ATP8A2: variants seen among roughly 807,000 people sequenced by gnomAD.
The protein encoded by ATP8A2 is phospholipid-transporting ATPase IB.
In ATP8A2, 100 loss-of-function variants were observed where a neutral mutation model predicts 165.6. The ratio of observed to expected loss-of-function variants is 0.60; its 90% CI spans 0.51 to 0.71. ATP8A2 has a LOEUF of 0.71. Ranked by LOEUF, ATP8A2 falls within the 30% of genes least tolerant of loss-of-function variation. The pLI, the probability that ATP8A2 is intolerant of heterozygous loss-of-function variation, is 0.00. For missense variants in ATP8A2, 1,227 were observed against 1,479.5 expected, an observed-to-expected ratio of 0.83 and a Z score of 2.80; for synonymous variants, 543 against 548.8, an observed-to-expected ratio of 0.99 and a Z score of 0.15.
chr13:25,461,696 G>A (rs548065750), intron 1 of ATP8A2, among the ~76,000 whole-genome samples: 2 of 152,334 alleles, frequency 1.3e-5, no homozygotes, highest in Admixed American at 6.5e-5. Context: ...AGAAATTTAA[G>A]TGATTATTTC....
intron 25 of ATP8A2, among the ~76,000 whole-genome samples, chr13:25,723,784 A>G (rs1489089754): frequency 6.6e-6 from 1 of 152,048 alleles, no homozygotes; most frequent in Non-Finnish European, 1.5e-5. Context: ...CCGAGACTGC[A>G]GCTGGAATGA....
chr13:25,401,217 G>A (rs1417894142), intron 1 of ATP8A2, among the ~76,000 whole-genome samples: 2 of 152,096 alleles, frequency 1.3e-5, no homozygotes, highest in South Asian at 2.1e-4. Context: ...TTGCAGAATA[G>A]TGAGGATAAA....
chr13:25,714,204 A>T (rs2043210002), intron 25 of ATP8A2, among the ~76,000 whole-genome samples: 1 of 152,170 alleles, frequency 6.6e-6, no homozygotes, highest in Non-Finnish European at 1.5e-5. Context: ...AATTAAATTT[A>T]AAAACCTAGT....
chr13:25,482,950 G>A (rs1049910444), intron 2 of ATP8A2, among the ~76,000 whole-genome samples: 15 of 152,164 alleles, frequency 9.9e-5, no homozygotes, highest in African/African-American at 3.6e-4. Flanking sequence ...CATCAGCAGC[G>A]TGAAAACGGA....
intron 2 of ATP8A2, among the ~76,000 whole-genome samples, chr13:25,512,306 C>T (rs531243558): frequency 1.3e-4 from 20 of 152,218 alleles, no homozygotes; most frequent in African/African-American, 3.9e-4. Context: ...GGCAACCATC[C>T]GATTTCTCAA....
At chr13:25,645,620 TTTTG>T (rs1455741173) in intron 24 of ATP8A2, among the ~76,000 whole-genome samples, 1 of 152,200 alleles carries the variant, frequency 6.6e-6, no homozygotes, top group African/African-American at 2.4e-5. Flanking sequence ...GTGTTTCCTT[TTTTG>T]TTTGTTTCAA....
intron 24 of ATP8A2, among the ~76,000 whole-genome samples, chr13:25,694,471 G>A (rs1593207842): frequency 6.6e-6 from 1 of 152,150 alleles, no homozygotes; most frequent in East Asian, 1.9e-4. Flanking sequence ...ACTGACCCCC[G>A]GCAGGCACCC....
chr13:25,980,360 C>T (rs1956150388), intron 35 of ATP8A2, among the ~76,000 whole-genome samples: 1 of 152,108 alleles, frequency 6.6e-6, no homozygotes, highest in Admixed American at 6.5e-5. Flanking sequence ...TGAGCCATGA[C>T]AACATTTAAA....
intron 27 of ATP8A2, among the ~76,000 whole-genome samples, chr13:25,805,225 G>A (rs1950708298): frequency 6.6e-6 from 1 of 151,542 alleles, no homozygotes; most frequent in Non-Finnish European, 1.5e-5. Context: ...ATTTAATGAG[G>A]AGGCCAGGTG....
chr13:25,375,418 G>A, intron 1 of ATP8A2, among the ~76,000 whole-genome samples: 1 of 152,098 alleles, frequency 6.6e-6, no homozygotes, highest in Non-Finnish European at 1.5e-5. Flanking sequence ...TGTGGGAGGG[G>A]AGGAGTGGGG....
At chr13:25,475,108 C>T (rs1324984033) in intron 2 of ATP8A2, among the ~76,000 whole-genome samples, 1 of 152,120 alleles carries the variant, frequency 6.6e-6, no homozygotes, top group East Asian at 1.9e-4. Flanking sequence ...GTGTGGCTCA[C>T]ACCTGTAATA....
intron 1 of ATP8A2, among the ~76,000 whole-genome samples, chr13:25,444,034 GC>G (rs2035002998): frequency 6.6e-6 from 1 of 152,078 alleles, no homozygotes; most frequent in Non-Finnish European, 1.5e-5. Flanking sequence ...TAAAAATATA[GC>G]CTAGTTCCAT....
In ATP8A2 at chr13:25,591,090, G is replaced by A. The variant is rs370077418; in HGVS notation, c.2211+1391G>A. ...TGTTTCAGTCTTCCCCCTCTCACAC[G>A]TCTTTATTTTTCTCCATGGAACCTC... is the stretch of plus-strand genomic sequence containing the variant. On this transcript the variant is annotated intron_variant, in intron 24 of 36. Coordinates refer to ENST00000381655, the MANE Select transcript of ATP8A2 (RefSeq NM_016529.6). Among the ~76,000 whole-genome samples the A allele has an allele frequency of 1.6e-4, 25 of 151,628 alleles. No individual in the cohort carries two copies. The East Asian group carries it at 2.7e-3, about 16-fold the overall frequency.
rs182637372 is a variant in ATP8A2, at chr13:25,711,850, A to T, written c.2384+12505A>T. On this transcript the variant is annotated intron_variant, in intron 25 of 36. Coordinates refer to ENST00000381655, the MANE Select transcript of ATP8A2 (RefSeq NM_016529.6). ...TTGGGGATGGTGAGATGGGGTAGAG[A>T]TGAAGCACTGCTGTAAGAGAGCTCA... Among the ~76,000 whole-genome samples, 487 of 152,272 alleles carry T rather than the reference A, an allele frequency of 3.2e-3. 2 individuals are homozygous for T. Among genetic ancestry groups the T allele is most frequent in the African/African-American group, 0.011 (450 of 41,558 alleles).
intron 30 of ATP8A2, among the ~76,000 whole-genome samples, chr13:25,848,972 C>T (rs1399133172): frequency 6.6e-6 from 1 of 151,654 alleles, no homozygotes; most frequent in Non-Finnish European, 1.5e-5. Context: ...GGTGCGCTTC[C>T]TCTGAGCCAC....
intron 3 of ATP8A2, 130 bp from the exon 4 acceptor site, chr13:25,530,432 A>T: frequency 3.0e-6 from 2 of 661,606 alleles, no homozygotes; most frequent in Non-Finnish European, 5.4e-6. Context: ...AAAGTAAGGT[A>T]ATTATTTTTG....
At chr13:25,990,261 T>TAAAAAAAAAAA (rs3056351) in intron 35 of ATP8A2, among the ~76,000 whole-genome samples, 1 of 108,370 alleles carries the variant, frequency 9.2e-6, no homozygotes, top group African/African-American at 3.5e-5. Context: ...CATGTAACTG[T>TAAAAAAAAAAA]AAAAAAAAAA....
intron 1 of ATP8A2, among the ~76,000 whole-genome samples, chr13:25,400,196 A>T (rs1018429862): frequency 1.3e-5 from 2 of 152,150 alleles, no homozygotes; most frequent in African/African-American, 4.8e-5. Flanking sequence ...AGTGGCTGGG[A>T]TGAGAGGTGT....
intron 24 of ATP8A2, among the ~76,000 whole-genome samples, chr13:25,638,482 C>T (rs912843918): frequency 6.6e-6 from 1 of 152,068 alleles, no homozygotes; most frequent in African/African-American, 2.4e-5. Flanking sequence ...GTAGCCGATT[C>T]GATCAACTGG....
Sources: gnomAD v4.1 joint callset for allele counts (sites outside exome capture counted in the v4.1 genomes callset) on GRCh38, gnomAD v4.1.1 for gene constraint, MANE v1.5 for transcripts, NCBI Gene and HGNC (gene_info 2026-07-23, HGNC 2026-07-21) for gene names.